The following RIMS1 variants were observed in gnomAD, a reference collection of about 807,000 sequenced individuals.
RIMS1 encodes regulating synaptic membrane exocytosis protein 1.
A neutral mutation model predicts 214.1 loss-of-function variants in RIMS1; 83 were observed. That is an observed-to-expected ratio of 0.39 (90% CI 0.32 to 0.47). The LOEUF (loss-of-function observed/expected upper bound fraction) is 0.47. RIMS1 is among the 20% of genes least tolerant of loss of function. The pLI, the probability that RIMS1 is intolerant of heterozygous loss-of-function variation, is 0.99. For missense variants in RIMS1, 2,050 were observed against 2,161.8 expected (o/e 0.95, Z 1.03); for synonymous variants, 793 against 786.8 (o/e 1.01, Z -0.13).
chr6:72,402,000 A>C lies in RIMS1; in HGVS notation c.*1286A>C, dbSNP rs1370292017. ...TTTCATTTAGTTTCTCTTGGCCTTG[A>C]ATTTCCCTTGTGACATTCTGTACAT... On this transcript the variant is annotated 3_prime_UTR_variant, in exon 34 of 34. Transcript: ENST00000521978. 6.6e-6 allele frequency: 1 copy of C among 152,558 alleles called. No individual in the cohort carries two copies. Among genetic ancestry groups the C allele is most frequent in the Non-Finnish European group, 1.5e-5 (1 of 68,042 alleles). 9.5% of individuals were successfully genotyped at this position (152,558 alleles called of 1,614,324 possible).
intron 28 of RIMS1, among the ~76,000 whole-genome samples, chr6:72,330,054 G>C (rs914819116): frequency 1.3e-5 from 2 of 151,804 alleles, no homozygotes; most frequent in South Asian, 4.1e-4. Flanking sequence ...AGGCCAAAGG[G>C]CTGGGCATTG....
At chr6:72,068,927 T>G (rs1829970956) in intron 2 of RIMS1, among the ~76,000 whole-genome samples, 2 of 150,228 alleles carry the variant, frequency 1.3e-5, no homozygotes, top group South Asian at 4.2e-4. Flanking sequence ...AAAAAAAATT[T>G]ATGAGGTGCA....
At chr6:72,385,451 A>G (rs2098576948) in intron 29 of RIMS1, among the ~76,000 whole-genome samples, 1 of 152,272 alleles carries the variant, frequency 6.6e-6, no homozygotes. Flanking sequence ...GAATGTATAC[A>G]TAAAAATACC....
chr6:72,108,088 G>A (rs2035152789), intron 4 of RIMS1, among the ~76,000 whole-genome samples: 1 of 151,960 alleles, frequency 6.6e-6, no homozygotes. Flanking sequence ...CCATGATCAG[G>A]GCTCACTGCA....
At chr6:72,367,340 GC>G in intron 29 of RIMS1, among the ~76,000 whole-genome samples, 1 of 152,134 alleles carries the variant, frequency 6.6e-6, no homozygotes, top group East Asian at 1.9e-4. Flanking sequence ...AAATATATGA[GC>G]ATTTCTTTTG....
Position 72,399,165 on chromosome 6 carries a change from A to G in RIMS1, c.4860+71A>G, listed in dbSNP as rs1399509747. 3 of 1,293,628 alleles carry G rather than the reference A, an allele frequency of 2.3e-6. No individual in the cohort carries two copies. The African/African-American group carries it at 4.5e-5, about 19-fold the overall frequency. 80.1% of individuals were successfully genotyped at this position (1,293,628 alleles called of 1,614,324 possible). A position where few individuals can be genotyped will look rare whatever the true frequency, so the allele number is the denominator to read the frequency against. On this transcript the variant is annotated intron_variant, in intron 33 of 33. Coordinates refer to ENST00000521978, the MANE Select transcript of RIMS1 (RefSeq NM_014989.7). ...ACCCATACATCGAAGAGATGGTCAAACACAAAGAGAATAAAATTTGGTAAA... is the reference window on the plus strand; with the variant it reads ...ACCCATACATCGAAGAGATGGTCAAGCACAAAGAGAATAAAATTTGGTAAA...
intron 29 of RIMS1, among the ~76,000 whole-genome samples, chr6:72,347,137 G>A (rs965596065): frequency 1.3e-5 from 2 of 151,800 alleles, no homozygotes; most frequent in South Asian, 2.1e-4. Context: ...TTCTCAGAAC[G>A]AAGACTTATG....
intron 4 of RIMS1, among the ~76,000 whole-genome samples, chr6:72,103,771 G>A (rs761819664): frequency 6.6e-6 from 1 of 152,016 alleles, no homozygotes; most frequent in Non-Finnish European, 1.5e-5. Flanking sequence ...ATAAATGGGG[G>A]TTTCAATTTC....
chr6:72,378,417 TTTTC>T (rs1179405304), intron 29 of RIMS1, among the ~76,000 whole-genome samples: 3 of 152,246 alleles, frequency 2.0e-5, no homozygotes, highest in African/African-American at 7.2e-5. Flanking sequence ...TTTTTCTTAA[TTTTC>T]TTTGTGACCT....
rs186694637 is a variant in RIMS1 at position 72,401,455 on chromosome 6, A to T, written c.*741A>T. The T allele has an allele frequency of 6.5e-6, 1 of 152,734 alleles. No homozygotes were observed. The highest frequency in any genetic ancestry group is 1.9e-4 in the East Asian group (1 of 5,196). The allele number at this position is 152,734 out of a possible 1,614,324, so 9.5% of individuals were successfully genotyped here. A position where few individuals can be genotyped will look rare whatever the true frequency, so the allele number is the denominator to read the frequency against. On this transcript the variant is annotated 3_prime_UTR_variant, in exon 34 of 34. Transcript: ENST00000521978. ...GACAAAAAGTTATCTTCCAAAATAA[A>T]TAATCACAGAAGTACTTTTTTAATG...
chr6:72,047,632 C>A (rs1823435101), intron 2 of RIMS1, among the ~76,000 whole-genome samples: 1 of 151,922 alleles, frequency 6.6e-6, no homozygotes, highest in Non-Finnish European at 1.5e-5. Context: ...ATTTTGGCCT[C>A]ATTGGCAATC....
At chr6:72,074,323 A>G (rs1466176542) in intron 2 of RIMS1, among the ~76,000 whole-genome samples, 1 of 152,230 alleles carries the variant, frequency 6.6e-6, no homozygotes. Flanking sequence ...TTTGTTTGAA[A>G]TCTAGGCAGA....
intron 6 of RIMS1, among the ~76,000 whole-genome samples, chr6:72,221,194 A>G (rs2058286520): frequency 6.6e-6 from 1 of 152,006 alleles, no homozygotes. Context: ...TACAGTTTGC[A>G]TACTTGTGAA....
intron 4 of RIMS1, among the ~76,000 whole-genome samples, chr6:72,138,490 C>A (rs951769384): frequency 2.0e-5 from 3 of 151,920 alleles, no homozygotes; most frequent in Non-Finnish European, 2.9e-5. Context: ...AAATGAAAAT[C>A]AAATAATTTT....
chr6:72,007,145 G>A (rs539642720), intron 2 of RIMS1, among the ~76,000 whole-genome samples: 25 of 152,282 alleles, frequency 1.6e-4, no homozygotes, highest in Middle Eastern at 3.4e-3. Flanking sequence ...GAACGATCAC[G>A]CAGCAACATT....
intron 4 of RIMS1, among the ~76,000 whole-genome samples, chr6:72,110,418 A>T (rs1161408093): frequency 6.6e-6 from 1 of 151,024 alleles, no homozygotes; most frequent in South Asian, 2.1e-4. Context: ...GGTCCTTCAC[A>T]TCCCTTGTAA....
intron 4 of RIMS1, among the ~76,000 whole-genome samples, chr6:72,143,407 TAA>T (rs1460303635): frequency 2.0e-5 from 3 of 152,118 alleles, no homozygotes; most frequent in African/African-American, 4.8e-5. Flanking sequence ...CTGGGCATCA[TAA>T]AGAGAGTCCA....
At chr6:72,089,718 A>C (rs1251767069) in intron 2 of RIMS1, among the ~76,000 whole-genome samples, 1 of 150,326 alleles carries the variant, frequency 6.7e-6, no homozygotes, top group Non-Finnish European at 1.5e-5. Context: ...ACACATGCAC[A>C]CGTATGTTTA....
chr6:72,244,569 T>C (rs913692483), intron 10 of RIMS1, among the ~76,000 whole-genome samples: 3 of 151,884 alleles, frequency 2.0e-5, no homozygotes, highest in African/African-American at 7.2e-5. Flanking sequence ...TTTTATTTGC[T>C]TGCATTAATT....
Sources: gnomAD v4.1 joint callset for allele counts (sites outside exome capture counted in the v4.1 genomes callset) on GRCh38, gnomAD v4.1.1 for gene constraint, MANE v1.5 for transcripts, NCBI Gene and HGNC (gene_info 2026-07-23, HGNC 2026-07-21) for gene names.